The following MYH15 variants were observed in gnomAD, a reference collection of about 807,000 sequenced individuals.
MYH15 encodes myosin-15.
MYH15 carries 227 observed loss-of-function variants against 240.5 expected under a neutral mutation model. That is an observed-to-expected ratio of 0.94 (90% CI 0.85 to 1.05). The LOEUF is 1.05. Among genes scored for constraint, MYH15 ranks in the 50% least tolerant of loss-of-function variants. The pLI, the probability that MYH15 is intolerant of heterozygous loss-of-function variation, is 0.00. For missense variants in MYH15, 2,217 were observed against 2,247.5 expected (o/e 0.99, Z 0.27); for synonymous variants, 785 against 796.7 (o/e 0.99, Z 0.25).
At chr3:108,382,476 A>C (rs1870011) in intron 40 of MYH15, among the ~76,000 whole-genome samples, 125,204 of 152,084 alleles carry the variant, frequency 0.82, 51,805 homozygotes, top group East Asian at 1. Context: ...GGTTACTAGT[A>C]ATTCAGTTAG....
chr3:108,530,436 A>T (rs2083703943), upstream of MYH15, among the ~76,000 whole-genome samples: 2 of 152,176 alleles, frequency 1.3e-5, no homozygotes, highest in South Asian at 4.1e-4. Flanking sequence ...AGTTGTGAAG[A>T]GGGAGAGATA....
chr3:108,499,952 T>G (rs2083423539), intron 4 of MYH15, among the ~76,000 whole-genome samples, 166 bp downstream of exon 4: 1 of 152,056 alleles, frequency 6.6e-6, no homozygotes, highest in South Asian at 2.1e-4. Context: ...CCCTAGGAGG[T>G]AGGTACTATT....
intron 15 of MYH15, 54 bp downstream of exon 15, chr3:108,464,584 G>T (rs1162331934): frequency 1.3e-6 from 2 of 1,491,902 alleles, no homozygotes; most frequent in Non-Finnish European, 1.8e-6. Flanking sequence ...TTGGCTGAGC[G>T]CATTTGAAAC....
the MYH15 span, among the ~76,000 whole-genome samples, chr3:108,542,862 A>G: frequency 6.6e-6 from 1 of 151,344 alleles, no homozygotes; most frequent in African/African-American, 2.4e-5. Context: ...ATGTCCCTGC[A>G]AATGACATGA....
chr3:108,425,230 T>C (rs1476196825), intron 27 of MYH15, among the ~76,000 whole-genome samples: 1 of 152,190 alleles, frequency 6.6e-6, no homozygotes, highest in Non-Finnish European at 1.5e-5. Flanking sequence ...GGAAGGTCCA[T>C]GAAACAAAGC....
chr3:108,454,324 GA>G lies in MYH15; in HGVS notation c.2263-183del, dbSNP rs202233730. Among the ~76,000 whole-genome samples the G allele has an allele frequency of 9.7e-4, 141 of 145,846 alleles. 1 individual carries two copies. Among genetic ancestry groups the G allele is most frequent in the Middle Eastern group, 3.6e-3 (1 of 278 alleles). On this transcript the variant is annotated intron_variant, in intron 20 of 40. Transcript: ENST00000693548. ...GTTTGATTTTATAAATCTAAAATGT[GA>G]AAAAAAAAACGTTATTAAATCATGT...
At chr3:108,461,024 C>G (rs2083067490) in intron 16 of MYH15, among the ~76,000 whole-genome samples, 1 of 152,084 alleles carries the variant, frequency 6.6e-6, no homozygotes, top group African/African-American at 2.4e-5. Flanking sequence ...AATAATAAGT[C>G]TATTTCCATT....
intron 21 of MYH15, among the ~76,000 whole-genome samples, chr3:108,448,426 GA>G (rs2082946201): frequency 6.6e-6 from 1 of 151,876 alleles, no homozygotes; most frequent in South Asian, 2.1e-4. Flanking sequence ...TATGCAAATG[GA>G]AATTGAAAAA....
At chr3:108,382,024 C>A (rs192411968) in intron 40 of MYH15, among the ~76,000 whole-genome samples, 1 of 152,334 alleles carries the variant, frequency 6.6e-6, no homozygotes, top group East Asian at 1.9e-4. Flanking sequence ...AAAGCAATTT[C>A]TACTTCACTC....
chr3:108,535,316 C>CAAGG, the MYH15 span, among the ~76,000 whole-genome samples: 1 of 152,090 alleles, frequency 6.6e-6, no homozygotes, highest in Admixed American at 6.6e-5. Context: ...AGTCAAAGAT[C>CAAGG]AAGGCATCAG....
chr3:108,481,227 A>G (rs2107593550), intron 11 of MYH15, among the ~76,000 whole-genome samples: 1 of 152,388 alleles, frequency 6.6e-6, no homozygotes, highest in East Asian at 1.9e-4. Context: ...AAAAAGTTAT[A>G]TGTGCATATT....
chr3:108,472,084 A>G (rs572942848), intron 12 of MYH15, among the ~76,000 whole-genome samples: 1 of 152,268 alleles, frequency 6.6e-6, no homozygotes, highest in Admixed American at 6.5e-5. Flanking sequence ...AATCATTCTG[A>G]CTCAGATTCT....
intron 22 of MYH15, 42 bp from the exon 23 acceptor site, chr3:108,441,302 A>G: frequency 6.2e-7 from 1 of 1,607,842 alleles, no homozygotes; most frequent in Non-Finnish European, 8.5e-7. Flanking sequence ...AGCTGGAAGT[A>G]ATTTATCAGC....
intron 14 of MYH15, among the ~76,000 whole-genome samples, chr3:108,468,858 C>T (rs3996012): frequency 1 from 152,121 of 152,324 alleles, 75,959 homozygotes; most frequent in Middle Eastern, 1. Flanking sequence ...AGGTGACAAT[C>T]GCCAGAAGAT....
rs142257490 is a variant in MYH15 at position 108,398,270 on chromosome 3, T to C, written c.5133+367A>G. ...GCGGAAGGTTAGAGTGATGCATCCA[T>C]AAGCCAAGGAATGGCAAAGATTGCC... On this transcript the variant is annotated intron_variant, in intron 35 of 40. Coordinates refer to ENST00000693548, the MANE Select transcript of MYH15 (RefSeq NM_014981.3). Among the ~76,000 whole-genome samples, 605 of 152,204 alleles carry C rather than the reference T, an allele frequency of 4.0e-3. 3 individuals carry two copies. Among genetic ancestry groups the C allele is most frequent in the Middle Eastern group, 6.8e-3 (2 of 294 alleles).
chr3:108,443,665 C>T lies in MYH15; in HGVS notation c.2655+975G>A, dbSNP rs2082902409. On this transcript the variant is annotated intron_variant, in intron 22 of 40. Transcript: ENST00000693548. ...CATACTGTAGACAGAGGCTTGAATG[C>T]CAAAACCAGGTGTTTGGAATCTAAA... Among the ~76,000 whole-genome samples the T allele has an allele frequency of 2.0e-5, 3 of 151,876 alleles. No individual in the cohort carries two copies. The South Asian group carries it at 6.2e-4, about 32-fold the overall frequency.
rs750640762 is a variant in MYH15 at position 108,428,893 on chromosome 3, A to G, written c.3313-12T>C. On this transcript the variant is annotated splice_polypyrimidine_tract_variant and intron_variant, in intron 26 of 40. Coordinates refer to ENST00000693548, the MANE Select transcript of MYH15 (RefSeq NM_014981.3). ...TCCTTTATTTGAGTCTGTAGCAAGA[A>G]ATAATTTTGACTTTTACTAAGCACT... 1.3e-6 allele frequency: 2 copies of G among 1,582,224 alleles called. No individual in the cohort carries two copies. The highest frequency in any genetic ancestry group is 4.5e-5 in the East Asian group (2 of 44,612).
intron 14 of MYH15, 23 bp from the exon 15 acceptor site, chr3:108,464,837 G>A: frequency 6.4e-7 from 1 of 1,554,232 alleles, no homozygotes; most frequent in Non-Finnish European, 8.7e-7. Context: ...CATAAGAGCA[G>A]CAGATTTCTT....
intron 31 of MYH15, 58 bp from the exon 32 acceptor site, chr3:108,408,462 A>G (rs2082563297): frequency 3.9e-6 from 6 of 1,519,880 alleles, no homozygotes; most frequent in Non-Finnish European, 5.3e-6. Flanking sequence ...CAAACCAATG[A>G]TACCAGGCAC....
Sources: allele counts gnomAD v4.1 joint callset (sites outside exome capture counted in the v4.1 genomes callset), GRCh38; gene constraint gnomAD v4.1.1; transcripts MANE v1.5; gene names NCBI Gene and HGNC (gene_info 2026-07-23, HGNC 2026-07-21).